The following EFHC1 variants were observed in gnomAD, a reference collection of about 807,000 sequenced individuals.
EFHC1 encodes the protein EF-hand domain containing 1, also known as EF-hand domain-containing protein 1.
In EFHC1, 53 loss-of-function variants were observed where a neutral mutation model predicts 69.9. That is an observed-to-expected ratio of 0.76 (90% CI 0.61 to 0.95). The LOEUF (loss-of-function observed/expected upper bound fraction) is 0.95. Among genes scored for constraint, EFHC1 ranks in the 40% least tolerant of loss-of-function variants. The pLI is 0.00. For missense variants in EFHC1, 739 were observed against 798.7 expected, an observed-to-expected ratio of 0.93 and a Z score of 0.90; for synonymous variants, 256 against 278.4, an observed-to-expected ratio of 0.92 and a Z score of 0.80.
intron 2 of EFHC1, among the ~76,000 whole-genome samples, chr6:52,432,232 G>T (rs911879231): frequency 6.6e-6 from 1 of 152,050 alleles, no homozygotes; most frequent in Non-Finnish European, 1.5e-5. Context: ...TCTGTTCATC[G>T]TGGTATTTGT....
chr6:52,445,331 G>A (rs1441358094), intron 3 of EFHC1, among the ~76,000 whole-genome samples: 1 of 150,422 alleles, frequency 6.6e-6, no homozygotes, highest in Non-Finnish European at 1.5e-5. Context: ...TAAGTTTTAG[G>A]GTACATGTGC....
chr6:52,438,161 T>C, intron 2 of EFHC1, 143 bp from the exon 3 acceptor site: 1 of 833,228 alleles, frequency 1.2e-6, no homozygotes, highest in Non-Finnish European at 1.9e-6. Flanking sequence ...TCTGTAGTTT[T>C]AGAGTATCAA....
intron 2 of EFHC1, among the ~76,000 whole-genome samples, chr6:52,431,663 G>C (rs1840169): frequency 0.37 from 56,338 of 151,978 alleles, 11,407 homozygotes; most frequent in Non-Finnish European, 0.46. Flanking sequence ...CTGTTGAATA[G>C]AATGTATATT....
chr6:52,425,596 T>G lies in EFHC1; in HGVS notation c.285+1429T>G, dbSNP rs181852063. ...ATTTAATATTCATAATTCATTTCTT[T>G]AAGGATAGTGCACATAAAAATATTA... On this transcript the variant is annotated intron_variant, in intron 2 of 10. Transcript: ENST00000371068. Among the ~76,000 whole-genome samples, 131 of 152,286 alleles carry G rather than the reference T, an allele frequency of 8.6e-4. 1 individual carries two copies. The highest frequency in any genetic ancestry group is 2.9e-3 in the African/African-American group (121 of 41,562).
At chr6:52,426,111 A>G (rs978207325) in intron 2 of EFHC1, among the ~76,000 whole-genome samples, 1 of 152,168 alleles carries the variant, frequency 6.6e-6, no homozygotes, top group African/African-American at 2.4e-5. Context: ...AGCTAGAGTC[A>G]TATCATCCTG....
In EFHC1 at chr6:52,496,791, C is replaced by T. The variant is rs1766073983; in HGVS notation, c.*4450C>T. On this transcript the variant is annotated 3_prime_UTR_variant, in exon 11 of 11. Transcript: ENST00000371068. Reference sequence around the variant, plus strand: ...GCTTGCCATGCATCAGAACCACTCACCTTCACCTCAAGCAAACATTTCCTC... The same window carrying T: ...GCTTGCCATGCATCAGAACCACTCATCTTCACCTCAAGCAAACATTTCCTC... 6.6e-6 allele frequency: 1 copy of T among 152,204 alleles called. No individual in the cohort carries two copies. The highest frequency in any genetic ancestry group is 6.5e-5 in the Admixed American group (1 of 15,276). 9.4% of individuals were successfully genotyped at this position (152,204 alleles called of 1,614,324 possible).
chr6:52,463,054 GTCTC>G (rs939712836), intron 5 of EFHC1, among the ~76,000 whole-genome samples: 21 of 152,030 alleles, frequency 1.4e-4, no homozygotes, highest in African/African-American at 3.6e-4. Context: ...TTGAGACGGA[GTCTC>G]TCTCTGTCGC....
chr6:52,446,966 C>T (rs1043840026), intron 3 of EFHC1, among the ~76,000 whole-genome samples: 4 of 152,168 alleles, frequency 2.6e-5, no homozygotes, highest in Non-Finnish European at 5.9e-5. Context: ...GTGGGTAACC[C>T]GAACTTTCTC....
intron 2 of EFHC1, among the ~76,000 whole-genome samples, 184 bp from the exon 3 acceptor site, chr6:52,438,120 A>G (rs1764574019): frequency 6.6e-6 from 1 of 152,338 alleles, no homozygotes; most frequent in Admixed American, 6.5e-5. Context: ...GTGGCAGGTT[A>G]GATTTGTCCC....
At chr6:52,442,766 G>A (rs1764693981) in intron 3 of EFHC1, among the ~76,000 whole-genome samples, 1 of 152,194 alleles carries the variant, frequency 6.6e-6, no homozygotes, top group Non-Finnish European at 1.5e-5. Context: ...ATGTGTGCAT[G>A]TGACTTTATA....
At chr6:52,426,175 A>G (rs1477370162) in intron 2 of EFHC1, among the ~76,000 whole-genome samples, 1 of 152,194 alleles carries the variant, frequency 6.6e-6, no homozygotes, top group East Asian at 1.9e-4. Flanking sequence ...TTTGTTTCTC[A>G]CTTGACTGTC....
At chr6:52,460,605 G>C (rs1765143995) in intron 5 of EFHC1, among the ~76,000 whole-genome samples, 1 of 152,202 alleles carries the variant, frequency 6.6e-6, no homozygotes, top group African/African-American at 2.4e-5. Context: ...GATTCGAAAA[G>C]ATCATGAAAG....
intron 3 of EFHC1, among the ~76,000 whole-genome samples, chr6:52,451,230 G>A (rs745938556): frequency 2.0e-5 from 3 of 152,150 alleles, no homozygotes; most frequent in Non-Finnish European, 4.4e-5. Flanking sequence ...GCTTTATAGT[G>A]TCACTGGTCT....
At chr6:52,442,970 T>G (rs922725468) in intron 3 of EFHC1, among the ~76,000 whole-genome samples, 2 of 152,336 alleles carry the variant, frequency 1.3e-5, no homozygotes, top group East Asian at 3.9e-4. Flanking sequence ...GTTTCCTGAC[T>G]TTTTAATGAT....
intron 5 of EFHC1, among the ~76,000 whole-genome samples, chr6:52,460,140 G>T (rs1765132473): frequency 6.6e-6 from 1 of 152,108 alleles, no homozygotes; most frequent in Admixed American, 6.5e-5. Flanking sequence ...GAATGCAAAT[G>T]TCTATTAACA....
At chr6:52,434,884 CATATAT>C (rs59802769) in intron 2 of EFHC1, among the ~76,000 whole-genome samples, 3 of 148,670 alleles carry the variant, frequency 2.0e-5, no homozygotes, top group African/African-American at 7.4e-5. Context: ...TACCTGAGAC[CATATAT>C]ATATATATAT....
At chr6:52,490,735 T>C in intron 10 of EFHC1, 1 of 349,640 alleles carries the variant, frequency 2.9e-6, no homozygotes, top group East Asian at 4.7e-5. Flanking sequence ...CACTGGCCCA[T>C]CAGTAGGGTT....
In EFHC1 at chr6:52,434,240, G is replaced by A. The variant is rs1764478609; in HGVS notation, c.286-4064G>A. ...CAAATCATTACACAGTTCAGCTGGA[G>A]GTTCCCTTCTTCCTGTGGCCTTTTC... is the stretch of plus-strand genomic sequence containing the variant. On this transcript the variant is annotated intron_variant, in intron 2 of 10. Coordinates refer to ENST00000371068, the MANE Select transcript of EFHC1 (RefSeq NM_018100.4). 6.6e-5 allele frequency among the ~76,000 whole-genome samples: 10 copies of A among 152,194 alleles called. No individual in the cohort carries two copies. The South Asian group carries it at 2.1e-3, about 31-fold the overall frequency.
At chr6:52,465,644 T>C in intron 6 of EFHC1, among the ~76,000 whole-genome samples, 1 of 151,628 alleles carries the variant, frequency 6.6e-6, no homozygotes, top group African/African-American at 2.4e-5. Context: ...TTGTCTCTAC[T>C]AAAAATACAA....
Sources: gnomAD v4.1 joint callset for allele counts (sites outside exome capture counted in the v4.1 genomes callset) on GRCh38, gnomAD v4.1.1 for gene constraint, MANE v1.5 for transcripts, NCBI Gene and HGNC (gene_info 2026-07-23, HGNC 2026-07-21) for gene names.